Variants in DBF4 observed in about 807,000 individuals in gnomAD.
DBF4 encodes the protein protein DBF4 homolog A.
DBF4 carries 25 observed loss-of-function variants against 76.6 expected under a neutral mutation model. The ratio of observed to expected loss-of-function variants is 0.33; its 90% CI spans 0.24 to 0.46. The LOEUF is 0.46. Among genes scored for constraint, DBF4 ranks in the 20% least tolerant of loss-of-function variants. DBF4 has a pLI of 1.00. For missense variants in DBF4, 638 were observed against 760.8 expected, an observed-to-expected ratio of 0.84 and a Z score of 1.90; for synonymous variants, 213 against 258.0, an observed-to-expected ratio of 0.83 and a Z score of 1.67.
chr7:87,887,544 G>C, intron 5 of DBF4, 146 bp downstream of exon 5: 1 of 981,462 alleles, frequency 1.0e-6, no homozygotes, highest in South Asian at 1.9e-5. Flanking sequence ...CCTGAAACTG[G>C]GTAATGTACA....
In DBF4 at chr7:87,876,750, G is replaced by A. The variant is rs1262661789; in HGVS notation, c.18G>A (p.Met6Ile). MNSGAMRIHSKGHFQG... is the reference protein window; with the variant it reads MNSGAIRIHSKGHFQG... ...CGACTGCCATGAACTCCGGAGCCAT[G>A]AGGATCCACAGTAAAGGACATTTCC... Residue 6 changes from methionine to isoleucine, a missense_variant, in exon 1 of 12, where the codon ATG (methionine) becomes ATA (isoleucine). Physicochemically the swap from Met to Ile is conservative, Grantham distance 10 (BLOSUM62 1). Coordinates refer to ENST00000265728, the MANE Select transcript of DBF4 (RefSeq NM_006716.4). 2 of 1,614,068 alleles carry A rather than the reference G, an allele frequency of 1.2e-6. No individual in the cohort carries two copies. Among genetic ancestry groups the A allele is most frequent in the Admixed American group, 3.3e-5 (2 of 60,014 alleles).
intron 6 of DBF4, chr7:87,896,189 A>C (rs1211429060): frequency 6.5e-6 from 2 of 305,424 alleles, no homozygotes; most frequent in Non-Finnish European, 1.2e-5. Flanking sequence ...TTGCTGAATA[A>C]GGGCATAAAA....
At chr7:87,891,994 A>G (rs1156635161) in intron 6 of DBF4, among the ~76,000 whole-genome samples, 2 of 152,254 alleles carry the variant, frequency 1.3e-5, no homozygotes, top group Non-Finnish European at 2.9e-5. Context: ...GGTTCCCAGT[A>G]AAATCGAATG....
intron 8 of DBF4, among the ~76,000 whole-genome samples, chr7:87,898,168 T>G (rs1839686829): frequency 6.6e-6 from 1 of 152,210 alleles, no homozygotes; most frequent in South Asian, 2.1e-4. Flanking sequence ...ACTTATTCAT[T>G]TAGACATCTG....
chr7:87,884,895 C>A, intron 2 of DBF4, 84 bp from the exon 3 acceptor site: 1 of 1,004,500 alleles, frequency 1.0e-6, no homozygotes, highest in Non-Finnish European at 1.5e-6. Context: ...TATGATTGTG[C>A]CACTGCACTC....
intron 2 of DBF4, among the ~76,000 whole-genome samples, chr7:87,880,242 A>G (rs2131039812): frequency 6.6e-6 from 1 of 152,338 alleles, no homozygotes; most frequent in Middle Eastern, 3.4e-3. Context: ...TTCCTGAGGT[A>G]ATTGCAAGAA....
chr7:87,888,158 A>G, intron 6 of DBF4, 99 bp downstream of exon 6: 1 of 1,392,982 alleles, frequency 7.2e-7, no homozygotes, highest in South Asian at 1.6e-5. Context: ...CCTAGGGGCA[A>G]GCCTGTGTAT....
chr7:87,887,258 T>C (rs1237634053), intron 4 of DBF4, 71 bp from the exon 5 acceptor site: 1 of 1,192,938 alleles, frequency 8.4e-7, no homozygotes, highest in Non-Finnish European at 1.2e-6. Context: ...TTCAAATAAT[T>C]GAATTTTTAT....
intron 10 of DBF4, among the ~76,000 whole-genome samples, chr7:87,901,463 C>G (rs1176899982): frequency 6.6e-6 from 1 of 151,960 alleles, no homozygotes; most frequent in African/African-American, 2.4e-5. Flanking sequence ...AAAGGTGGGA[C>G]CAAGAGGATT....
chr7:87,901,802 A>C (rs969557933), intron 10 of DBF4, among the ~76,000 whole-genome samples: 2 of 152,108 alleles, frequency 1.3e-5, no homozygotes, highest in Non-Finnish European at 2.9e-5. Context: ...TATTTGAATA[A>C]TTTTTTACGT....
chr7:87,900,696 A>C (rs1364117187), intron 9 of DBF4, 68 bp from the exon 10 acceptor site: 4 of 1,287,126 alleles, frequency 3.1e-6, no homozygotes, highest in Non-Finnish European at 4.4e-6. Context: ...ATAGTTTAGG[A>C]CAATAAATTT....
chr7:87,896,552 G>T, intron 7 of DBF4, 42 bp downstream of exon 7: 9 of 1,559,064 alleles, frequency 5.8e-6, no homozygotes, highest in Admixed American at 1.7e-5. Flanking sequence ...GTTTGCATTT[G>T]AAAAATCATA....
intron 7 of DBF4, among the ~76,000 whole-genome samples, chr7:87,896,811 A>G: frequency 6.6e-6 from 1 of 152,228 alleles, no homozygotes; most frequent in East Asian, 1.9e-4. Context: ...ATTACACAGA[A>G]CAGATTCTAG....
In DBF4 at chr7:87,876,562, C is replaced by G. The variant is rs538483619; in HGVS notation, c.-171C>G. On this transcript the variant is annotated 5_prime_UTR_variant, in exon 1 of 12. The change creates a new upstream start codon in the 5' untranslated region. Transcript: ENST00000265728. ...CCTCCTCCGCGCCTTGGAGCCGGAT[C>G]CGGCCCCGGAAACCCGACCTGCAGA... 1.5e-6 allele frequency: 1 copy of G among 671,154 alleles called. No homozygotes were observed. The highest frequency in any genetic ancestry group is 2.6e-6 in the Non-Finnish European group (1 of 388,728). 41.6% of individuals were successfully genotyped at this position (671,154 alleles called of 1,614,324 possible).
chr7:87,898,947 A>G (rs1839703995), intron 8 of DBF4, among the ~76,000 whole-genome samples: 1 of 152,152 alleles, frequency 6.6e-6, no homozygotes, highest in Non-Finnish European at 1.5e-5. Context: ...AAACCATCAC[A>G]CATATGGCCA....
At chr7:87,898,984 T>C (rs937956445) in intron 8 of DBF4, among the ~76,000 whole-genome samples, 1 of 152,176 alleles carries the variant, frequency 6.6e-6, no homozygotes, top group Non-Finnish European at 1.5e-5. Context: ...GGTATGAAGA[T>C]AATTTAATGG....
At chr7:87,905,343 G>C (rs574786445) in intron 11 of DBF4, among the ~76,000 whole-genome samples, 1 of 152,186 alleles carries the variant, frequency 6.6e-6, no homozygotes, top group Non-Finnish European at 1.5e-5. Context: ...ATCAGCTCCT[G>C]TTGTAGAACC....
At chr7:87,890,481 G>A (rs999116578) in intron 6 of DBF4, among the ~76,000 whole-genome samples, 2 of 152,104 alleles carry the variant, frequency 1.3e-5, no homozygotes, top group Non-Finnish European at 2.9e-5. Flanking sequence ...GCAGTGAGCC[G>A]GGATCACCCC....
At chr7:87,901,122 T>G (rs1839775527) in intron 10 of DBF4, among the ~76,000 whole-genome samples, 1 of 151,854 alleles carries the variant, frequency 6.6e-6, no homozygotes, top group Non-Finnish European at 1.5e-5. Context: ...TTATATTCTG[T>G]AGGGTAGGGG....
Sources: gnomAD v4.1 joint callset for allele counts (sites outside exome capture counted in the v4.1 genomes callset) on GRCh38, gnomAD v4.1.1 for gene constraint, MANE v1.5 for transcripts, NCBI Gene and HGNC (gene_info 2026-07-23, HGNC 2026-07-21) for gene names.